The following LCA5L variants were observed in gnomAD, a reference collection of about 807,000 sequenced individuals.
The protein encoded by LCA5L is lebercilin-like protein.
A neutral mutation model predicts 45.4 loss-of-function variants in LCA5L; 35 were observed. The observed-to-expected ratio is 0.77, with a 90% CI of 0.59 to 1.02. LCA5L has a LOEUF of 1.02. LCA5L is among the 50% of genes least tolerant of loss of function. The probability of loss-of-function intolerance (pLI) is 0.00; values close to 1 mark genes in which losing one functional copy is unlikely to be tolerated. For synonymous variants in LCA5L, 233 were observed against 264.7 expected (o/e 0.88, Z 1.16); for missense variants, 668 against 761.6 (o/e 0.88, Z 1.45).
intron 2 of LCA5L, among the ~76,000 whole-genome samples, chr21:39,442,627 A>ATTCACTGGG (rs1937979610): frequency 6.6e-6 from 1 of 152,046 alleles, no homozygotes; most frequent in Non-Finnish European, 1.5e-5. Flanking sequence ...GGGCTTAAGG[A>ATTCACTGGG]TTCACTGGGT....
chr21:39,405,971 T>G lies in LCA5L; in HGVS notation c.1924A>C (p.Ser642Arg), dbSNP rs2039021814. The change falls in exon 11 of 11, where the codon AGC becomes CGC. Residue 642 changes from serine to arginine, a missense_variant. Transcript: ENST00000288350. The part of the protein sequence containing the change: ...HPLPPSQAST[S>R]HAFGDSKVTV... ...ACTTTAGAGTCTCCGAAAGCATGGC[T>G]GGTGGAGGCCTGACTGGGAGGCAGG... is the stretch of plus-strand genomic sequence containing the variant. 2 of 1,614,200 alleles carry G rather than the reference T, an allele frequency of 1.2e-6. No individual in the cohort carries two copies. The highest frequency in any genetic ancestry group is 1.7e-6 in the Non-Finnish European group (2 of 1,180,014).
chr21:39,420,652 C>G (rs2042147247), intron 7 of LCA5L, 54 bp downstream of exon 7: 1 of 1,456,480 alleles, frequency 6.9e-7, no homozygotes, highest in Non-Finnish European at 9.6e-7. Context: ...ATAAATAGCT[C>G]ATATATTTCG....
At chr21:39,428,575 ATTTTATATATATATATATATATATT>A in intron 4 of LCA5L, 72 bp from the exon 5 acceptor site, 1 of 66,746 alleles carries the variant, frequency 1.5e-5, no homozygotes. Context: ...CCTATGCTTT[ATTTTATATATATATATATATATATT>A]TTTTTTTTTT....
At chr21:39,424,222 A>G (rs2074254544) in intron 5 of LCA5L, among the ~76,000 whole-genome samples, 1 of 152,156 alleles carries the variant, frequency 6.6e-6, no homozygotes, top group Non-Finnish European at 1.5e-5. Flanking sequence ...CATGTTGGCC[A>G]GGCTGGTCTC....
At chr21:39,423,565 TCTCCCATG>T in intron 5 of LCA5L, 75 bp from the exon 6 acceptor site, 1 of 1,311,706 alleles carries the variant, frequency 7.6e-7, no homozygotes, top group Non-Finnish European at 1.0e-6. Context: ...GCATAATCTC[TCTCCCATG>T]CCCCCATGCA....
intron 5 of LCA5L, among the ~76,000 whole-genome samples, chr21:39,425,660 T>C (rs2074550347): frequency 6.6e-6 from 1 of 152,160 alleles, no homozygotes; most frequent in African/African-American, 2.4e-5. Flanking sequence ...CCAGGCCGTA[T>C]GGATCAGGCT....
chr21:39,430,862 G>A (rs1269889215), intron 3 of LCA5L, among the ~76,000 whole-genome samples: 2 of 152,124 alleles, frequency 1.3e-5, no homozygotes, highest in African/African-American at 2.4e-5. Context: ...CCTGAAAAAC[G>A]ACGTTTGCAA....
chr21:39,435,550 A>G lies in LCA5L; in HGVS notation c.-222T>C, dbSNP rs2076206889. 1 of 152,200 alleles carries G rather than the reference A, an allele frequency of 6.6e-6. No individual in the cohort carries two copies. Among genetic ancestry groups the G allele is most frequent in the African/African-American group, 2.4e-5 (1 of 41,448 alleles). 9.4% of individuals were successfully genotyped at this position (152,200 alleles called of 1,614,324 possible). A position where few individuals can be genotyped will look rare whatever the true frequency, so the allele number is the denominator to read the frequency against. ...TTTGACAGGTTTTGGTCTCTTTTTA[A>G]AGAAAGAATATATTTTAAAAAACCT... On this transcript the variant is annotated 5_prime_UTR_variant, in exon 3 of 11. Coordinates refer to ENST00000288350, the MANE Select transcript of LCA5L (RefSeq NM_152505.4).
chr21:39,405,874 G>A lies in LCA5L; in HGVS notation c.*8C>T. 4 of 1,543,402 alleles carry A rather than the reference G, an allele frequency of 2.6e-6. No homozygotes were observed. The highest frequency in any genetic ancestry group is 3.5e-6 in the Non-Finnish European group (4 of 1,135,552). On this transcript the variant is annotated 3_prime_UTR_variant, in exon 11 of 11. Transcript: ENST00000288350. The stretch of plus-strand genomic sequence containing the variant: ...TCAAACCAGAATGCATTAGGATATT[G>A]ATTATATTTAAATAATTATTTTTCT...
Position 39,423,496 on chromosome 21 carries a change from T to C in LCA5L, c.323-6A>G. ...AACTGATATTTCCTTCTGGCCTGTG[T>C]AAGCAGAAAATCCAGTTTATTACTA... On this transcript the variant is annotated splice_region_variant and splice_polypyrimidine_tract_variant and intron_variant, in intron 5 of 10. Coordinates refer to ENST00000288350, the MANE Select transcript of LCA5L (RefSeq NM_152505.4). 6.5e-7 allele frequency: 1 copy of C among 1,538,710 alleles called. No homozygotes were observed. The highest frequency in any genetic ancestry group is 8.7e-7 in the Non-Finnish European group (1 of 1,154,012).
intron 2 of LCA5L, 35 bp downstream of exon 2, chr21:39,444,100 C>T (rs755874366): frequency 3.3e-5 from 5 of 151,842 alleles, no homozygotes; most frequent in Non-Finnish European, 7.4e-5. Flanking sequence ...AGGGACCTGT[C>T]ACATTGATCG....
Position 39,409,604 on chromosome 21 carries a change from A to C in LCA5L, c.1282+375T>G, listed in dbSNP as rs2039728286. Among the ~76,000 whole-genome samples, 1 of 150,412 alleles carries C rather than the reference A, an allele frequency of 6.6e-6. No individual in the cohort carries two copies. The highest frequency in any genetic ancestry group is 6.6e-5 in the Admixed American group (1 of 15,154). ...GAAACGGTTTTATGTTTTTTTTTTA[A>C]TTTTTTGAGACAGAGTCTCACTCTG... On this transcript the variant is annotated intron_variant, in intron 10 of 10. Transcript: ENST00000288350. This position sits in a 1 kb window ranked among gnomAD's most constrained non-coding sequence, Gnocchi z 4.2.
intron 7 of LCA5L, among the ~76,000 whole-genome samples, chr21:39,412,966 TGCTC>T (rs2040369188): frequency 6.6e-6 from 1 of 152,148 alleles, no homozygotes; most frequent in East Asian, 1.9e-4. Context: ...CAGATCCAGG[TGCTC>T]CCATAGCACA....
chr21:39,438,282 C>A (rs1359857511), intron 2 of LCA5L, among the ~76,000 whole-genome samples: 1 of 152,094 alleles, frequency 6.6e-6, no homozygotes, highest in Non-Finnish European at 1.5e-5. Context: ...AGGCTAGAAT[C>A]TACCTGGAAA....
chr21:39,423,214 A>G lies in LCA5L; in HGVS notation c.599T>C (p.Met200Thr), dbSNP rs942774548. 3.1e-6 allele frequency: 5 copies of G among 1,612,330 alleles called. No individual in the cohort carries two copies. In the East Asian group the frequency reaches 6.7e-5, roughly 22 times the overall value. ...TTTTACTTCATTCTGATGTTTAGCCATAATTTGAGGTAGATTATTTTGTGA... is the reference window on the plus strand; with the variant it reads ...TTTTACTTCATTCTGATGTTTAGCCGTAATTTGAGGTAGATTATTTTGTGA... Reference protein sequence around the residue: ...ENSQNNLPQIMAKHQNEVKNL... With the variant: ...ENSQNNLPQITAKHQNEVKNL... Residue 200 changes from methionine (M) to threonine (T), a missense_variant, in exon 6 of 11, where the codon ATG becomes ACG. Coordinates refer to ENST00000288350, the MANE Select transcript of LCA5L (RefSeq NM_152505.4).
intron 7 of LCA5L, among the ~76,000 whole-genome samples, chr21:39,415,468 T>C (rs1350218999): frequency 6.6e-6 from 1 of 152,224 alleles, no homozygotes; most frequent in East Asian, 1.9e-4. Flanking sequence ...TCCCACTCTC[T>C]CTGACCACTC....
At chr21:39,415,343 C>T (rs1237658138) in intron 7 of LCA5L, among the ~76,000 whole-genome samples, 1 of 151,938 alleles carries the variant, frequency 6.6e-6, no homozygotes, top group Admixed American at 6.6e-5. Context: ...AGCATTTTTC[C>T]CTTTGAAACT....
At chr21:39,428,578 T>A (rs1410466145) in intron 4 of LCA5L, 75 bp from the exon 5 acceptor site, 24 of 58,054 alleles carry the variant, frequency 4.1e-4, no homozygotes, top group South Asian at 8.8e-4. Context: ...ATGCTTTATT[T>A]TATATATATA....
At chr21:39,417,282 C>T (rs189759901) in intron 7 of LCA5L, among the ~76,000 whole-genome samples, 106 of 152,242 alleles carry the variant, frequency 7.0e-4, no homozygotes, top group Admixed American at 4.9e-3. Flanking sequence ...TCAGGTGATC[C>T]GCCCACCTTG....
Sources: gnomAD v4.1 joint callset for allele counts (sites outside exome capture counted in the v4.1 genomes callset) on GRCh38, gnomAD v4.1.1 for gene constraint, Gnocchi (gnomAD v3.1) non-coding constraint, MANE v1.5 for transcripts, NCBI Gene and HGNC (gene_info 2026-07-23, HGNC 2026-07-21) for gene names.